Variants in DIP2C observed in about 807,000 individuals in gnomAD.
The protein encoded by DIP2C is disco-interacting protein 2 homolog C.
Under a neutral mutation model 192.4 loss-of-function variants are expected in DIP2C, and 33 were observed. That is an observed-to-expected ratio of 0.17 (90% CI 0.13 to 0.23). The LOEUF (loss-of-function observed/expected upper bound fraction) is 0.23. Among genes scored for constraint, DIP2C ranks in the 10% least tolerant of loss-of-function variants. The pLI is 1.00. For synonymous variants in DIP2C, 979 were observed against 864.1 expected, an observed-to-expected ratio of 1.13 and a Z score of -2.33; for missense variants, 1,537 against 2,110.1, an observed-to-expected ratio of 0.73 and a Z score of 5.32.
chr10:319,981 T>C (rs1281813489), intron 31 of DIP2C, among the ~76,000 whole-genome samples: 4 of 152,208 alleles, frequency 2.6e-5, no homozygotes, highest in African/African-American at 9.6e-5. Context: ...TTTTCCAGCG[T>C]GAATGACTCT....
chr10:542,674 G>A lies in DIP2C; in HGVS notation c.86-56144C>T, dbSNP rs540297978. On this transcript the variant is annotated intron_variant, in intron 1 of 36. Coordinates refer to ENST00000280886, the MANE Select transcript of DIP2C (RefSeq NM_014974.3). ...CAGATCCCAGTTCTTATCAGATTGG[G>A]AAGTGGGGGGTTCTGACCCTGTCCC... 5.9e-5 allele frequency among the ~76,000 whole-genome samples: 9 copies of A among 152,306 alleles called. No homozygotes were observed. The East Asian group carries it at 1.7e-3, about 29-fold the overall frequency.
chr10:484,439 TA>T (rs1843847030), intron 2 of DIP2C, among the ~76,000 whole-genome samples: 1 of 152,240 alleles, frequency 6.6e-6, no homozygotes, highest in Non-Finnish European at 1.5e-5. Context: ...GGTCTTTGGC[TA>T]TAAGATGAAA....
At chr10:561,630 C>G (rs12573549) in intron 1 of DIP2C, among the ~76,000 whole-genome samples, 5,318 of 152,222 alleles carry the variant, frequency 0.035, 177 homozygotes, top group African/African-American at 0.081. Flanking sequence ...GGCCCTTTCC[C>G]GCCAGTCACA....
intron 1 of DIP2C, among the ~76,000 whole-genome samples, chr10:685,071 T>A (rs1831260263): frequency 7.0e-6 from 1 of 143,282 alleles, no homozygotes; most frequent in Non-Finnish European, 1.5e-5. Context: ...GAGGCGAAGG[T>A]TGCAATTAGC....
chr10:678,167 G>A (rs559084478), intron 1 of DIP2C, among the ~76,000 whole-genome samples: 3 of 152,294 alleles, frequency 2.0e-5, no homozygotes, highest in East Asian at 1.9e-4. Flanking sequence ...GTCCCTACAG[G>A]TGGCTCTGGA....
intron 1 of DIP2C, among the ~76,000 whole-genome samples, chr10:632,055 G>A (rs1206227866): frequency 6.6e-6 from 1 of 152,168 alleles, no homozygotes; most frequent in Non-Finnish European, 1.5e-5. Flanking sequence ...AGATTGAAGA[G>A]ATAAAAGCAC....
At chr10:670,314 G>C (rs1278776610) in intron 1 of DIP2C, among the ~76,000 whole-genome samples, 3 of 151,904 alleles carry the variant, frequency 2.0e-5, no homozygotes, top group African/African-American at 7.3e-5. Flanking sequence ...GCACATACAT[G>C]CATATACACA....
chr10:528,406 A>ACTGCTCCCCCAGAACGCAGACCGCCCG lies in DIP2C; in HGVS notation c.86-41903_86-41877dup, dbSNP rs1564821212. Among the ~76,000 whole-genome samples the ACTGCTCCCCCAGAACGCAGACCGCCCG allele has an allele frequency of 2.8e-4, 27 of 97,344 alleles. No homozygotes were observed. In the South Asian group the frequency reaches 4.2e-3, roughly 15 times the overall value. 63.9% of individuals were successfully genotyped at this position (97,344 alleles called of 152,430 possible). ...AGCTCCCCCAGAACGCAGACCGCCC[A>ACTGCTCCCCCAGAACGCAGACCGCCCG]CTGCTCCCCCAGAACGCAGACCGCC... is the stretch of plus-strand genomic sequence containing the variant. On this transcript the variant is annotated intron_variant, in intron 1 of 36. Coordinates refer to ENST00000280886, the MANE Select transcript of DIP2C (RefSeq NM_014974.3).
intron 1 of DIP2C, among the ~76,000 whole-genome samples, chr10:600,677 G>A (rs1248923475): frequency 6.6e-6 from 1 of 152,138 alleles, no homozygotes; most frequent in Non-Finnish European, 1.5e-5. Flanking sequence ...AGGGTGTGTG[G>A]ATATTCCTGG....
chr10:494,591 C>A, intron 1 of DIP2C, among the ~76,000 whole-genome samples: 2 of 152,092 alleles, frequency 1.3e-5, no homozygotes, highest in Middle Eastern at 6.8e-3. Flanking sequence ...CATGAGAAAG[C>A]AAAGCTCAGA....
At chr10:484,110 T>TG (rs1269286417) in intron 2 of DIP2C, among the ~76,000 whole-genome samples, 5 of 152,182 alleles carry the variant, frequency 3.3e-5, no homozygotes, top group Admixed American at 6.5e-5. Flanking sequence ...CCCCCGGCCT[T>TG]GTATGTGATT....
intron 5 of DIP2C, 83 bp from the exon 6 acceptor site, chr10:419,282 CTG>C: frequency 6.3e-7 from 1 of 1,591,064 alleles, no homozygotes; most frequent in Non-Finnish European, 8.6e-7. Context: ...CAGGAAGAGA[CTG>C]AAGCACAGGT....
intron 1 of DIP2C, among the ~76,000 whole-genome samples, chr10:541,754 A>C (rs1349215398): frequency 7.0e-6 from 1 of 142,802 alleles, no homozygotes; most frequent in Non-Finnish European, 1.5e-5. Context: ...GACCACACCC[A>C]TCTCTCCTGG....
At chr10:394,950 T>C (rs1963852565) in intron 10 of DIP2C, among the ~76,000 whole-genome samples, 1 of 152,120 alleles carries the variant, frequency 6.6e-6, no homozygotes, top group African/African-American at 2.4e-5. Flanking sequence ...TGGGCACTAT[T>C]CAGCCGTCAG....
intron 10 of DIP2C, among the ~76,000 whole-genome samples, chr10:397,209 G>A (rs1344800573): frequency 6.6e-6 from 1 of 152,164 alleles, no homozygotes; most frequent in African/African-American, 2.4e-5. Flanking sequence ...AGCTGGAAGA[G>A]TCACCCACAC....
At chr10:304,448 TCTG>T (rs1956209720) in intron 32 of DIP2C, among the ~76,000 whole-genome samples, 1 of 152,124 alleles carries the variant, frequency 6.6e-6, no homozygotes, top group African/African-American at 2.4e-5. Flanking sequence ...CAGCTCTCAG[TCTG>T]CTAAGACCAC....
intron 1 of DIP2C, among the ~76,000 whole-genome samples, chr10:675,518 GACAA>G (rs1830843194): frequency 6.6e-6 from 1 of 151,162 alleles, no homozygotes; most frequent in African/African-American, 2.4e-5. Context: ...AAATAAAATA[GACAA>G]ACCATTAGCT....
At chr10:456,683 GCCA>G (rs2133359667) in intron 3 of DIP2C, among the ~76,000 whole-genome samples, 1 of 152,308 alleles carries the variant, frequency 6.6e-6, no homozygotes, top group South Asian at 2.1e-4. Context: ...CCTGTCCACG[GCCA>G]CCGTTTGTCT....
intron 7 of DIP2C, 29 bp downstream of exon 7, chr10:415,740 A>G: frequency 6.2e-7 from 1 of 1,612,628 alleles, no homozygotes; most frequent in Non-Finnish European, 8.5e-7. Context: ...GAGCATCTGG[A>G]AGAAACGTGT....
Sources: allele counts gnomAD v4.1 joint callset (sites outside exome capture counted in the v4.1 genomes callset), GRCh38; gene constraint gnomAD v4.1.1; transcripts MANE v1.5; gene names NCBI Gene and HGNC (gene_info 2026-07-23, HGNC 2026-07-21).